Variants in SBF2 observed in about 807,000 individuals in gnomAD.
The protein encoded by SBF2 is myotubularin-related protein 13.
SBF2 carries 112 observed loss-of-function variants against 225.2 expected under a neutral mutation model. That is an observed-to-expected ratio of 0.50 (90% CI 0.43 to 0.58). The LOEUF is 0.58. Among genes scored for constraint, SBF2 ranks in the 20% least tolerant of loss-of-function variants. The probability of loss-of-function intolerance (pLI) is 0.00; values close to 1 mark genes in which losing one functional copy is unlikely to be tolerated. For synonymous variants in SBF2, 763 were observed against 773.3 expected, an observed-to-expected ratio of 0.99 and a Z score of 0.22; for missense variants, 1,996 against 2,206.2, an observed-to-expected ratio of 0.90 and a Z score of 1.91.
At chr11:10,197,863 A>G (rs1311966163) in intron 1 of SBF2, among the ~76,000 whole-genome samples, 2 of 152,266 alleles carry the variant, frequency 1.3e-5, no homozygotes, top group Admixed American at 1.3e-4. Flanking sequence ...TTTATCCATA[A>G]GAAGCAAAGC....
intron 16 of SBF2, among the ~76,000 whole-genome samples, chr11:9,905,664 T>C (rs1033319896): frequency 1.3e-5 from 2 of 152,174 alleles, no homozygotes; most frequent in African/African-American, 4.8e-5. Context: ...GGGACCTTTG[T>C]TGGAGCCCAG....
In SBF2 at chr11:10,123,865, A is replaced by G. The variant is rs1953603290; in HGVS notation, c.141+70037T>C. On this transcript the variant is annotated intron_variant, in intron 2 of 39. Coordinates refer to ENST00000256190, the MANE Select transcript of SBF2 (RefSeq NM_030962.4). ...ATGTCATTCTTTTCTACACTTCTCA[A>G]ACATGGTGTATTTACCTAACAACAA... Among the ~76,000 whole-genome samples the G allele has an allele frequency of 2.0e-5, 3 of 152,146 alleles. No homozygotes were observed. In the South Asian group the frequency reaches 6.2e-4, roughly 32 times the overall value.
At chr11:10,117,843 G>A (rs899583054) in intron 2 of SBF2, among the ~76,000 whole-genome samples, 1 of 151,542 alleles carries the variant, frequency 6.6e-6, no homozygotes, top group Admixed American at 6.6e-5. Flanking sequence ...CTGGAATGCT[G>A]TATTCTCTAA....
chr11:9,984,191 T>G (rs1416177005), intron 13 of SBF2, among the ~76,000 whole-genome samples: 1 of 151,954 alleles, frequency 6.6e-6, no homozygotes, highest in Non-Finnish European at 1.5e-5. Context: ...ATACAAGAAG[T>G]GAATGGAGAA....
At chr11:10,293,762 C>T (rs776621147) in intron 1 of SBF2, among the ~76,000 whole-genome samples, 3 of 152,194 alleles carry the variant, frequency 2.0e-5, no homozygotes, top group Non-Finnish European at 4.4e-5. Context: ...CAACTCGCCT[C>T]CGGCCCGCCC....
chr11:10,230,734 G>GC (rs772752684), intron 1 of SBF2, among the ~76,000 whole-genome samples: 6 of 152,222 alleles, frequency 3.9e-5, no homozygotes, highest in East Asian at 3.9e-4. Flanking sequence ...CTCTCTGGCT[G>GC]CCTTAACATT....
chr11:10,204,651 C>T (rs1426667335), intron 1 of SBF2, among the ~76,000 whole-genome samples: 1 of 118,576 alleles, frequency 8.4e-6, no homozygotes, highest in Non-Finnish European at 1.9e-5. Flanking sequence ...GAGCAACACT[C>T]CATCTCAAAA....
intron 13 of SBF2, among the ~76,000 whole-genome samples, chr11:9,986,025 T>G (rs1310162268): frequency 2.0e-5 from 3 of 152,156 alleles, no homozygotes; most frequent in African/African-American, 7.2e-5. Context: ...ATAGACCATA[T>G]CATAGGACAT....
chr11:9,830,075 C>T (rs1032821354), intron 27 of SBF2, among the ~76,000 whole-genome samples: 39 of 152,132 alleles, frequency 2.6e-4, no homozygotes, highest in Admixed American at 5.2e-4. Context: ...ACTGCCAATC[C>T]CTGGTCCTTC....
intron 28 of SBF2, among the ~76,000 whole-genome samples, chr11:9,826,525 G>C (rs897328650): frequency 6.6e-6 from 1 of 152,056 alleles, no homozygotes; most frequent in Non-Finnish European, 1.5e-5. Flanking sequence ...TTTACGTGTG[G>C]GAGAGTACAC....
intron 1 of SBF2, among the ~76,000 whole-genome samples, chr11:10,261,292 T>G (rs1218333922): frequency 1.3e-5 from 2 of 152,194 alleles, no homozygotes; most frequent in Non-Finnish European, 2.9e-5. Context: ...AACCTCCACC[T>G]CCTGGGCTCA....
intron 2 of SBF2, among the ~76,000 whole-genome samples, chr11:10,179,638 T>C (rs7935934): frequency 0.21 from 32,181 of 152,096 alleles, 4,129 homozygotes; most frequent in Non-Finnish European, 0.3. Flanking sequence ...CCAGCTATTA[T>C]TGTACTGGTG....
chr11:10,232,109 G>C (rs545387319), intron 1 of SBF2, among the ~76,000 whole-genome samples: 2 of 152,248 alleles, frequency 1.3e-5, no homozygotes, highest in Non-Finnish European at 2.9e-5. Context: ...CTCCGAGCCA[G>C]GTGCGGGATA....
chr11:9,782,397 A>C (rs1852071888), intron 38 of SBF2, among the ~76,000 whole-genome samples: 1 of 152,196 alleles, frequency 6.6e-6, no homozygotes, highest in Non-Finnish European at 1.5e-5. Flanking sequence ...AATCAAAGAA[A>C]AATAAATGAC....
At chr11:9,844,130 T>C (rs146039656) in intron 24 of SBF2, among the ~76,000 whole-genome samples, 56 of 152,300 alleles carry the variant, frequency 3.7e-4, no homozygotes, top group African/African-American at 1.2e-3. Flanking sequence ...ACAAACATCA[T>C]AGGCTCCTCT....
chr11:10,048,734 A>G (rs1212603917), intron 2 of SBF2, among the ~76,000 whole-genome samples: 1 of 152,172 alleles, frequency 6.6e-6, no homozygotes, highest in Non-Finnish European at 1.5e-5. Context: ...ACTATTAGTT[A>G]ATTTATATTT....
At chr11:9,838,871 CAGTG>C (rs1855902444) in intron 26 of SBF2, 1 of 154,408 alleles carries the variant, frequency 6.5e-6, no homozygotes, top group African/African-American at 2.4e-5. Flanking sequence ...ATTTGAAAAA[CAGTG>C]AGAGATGACA....
intron 2 of SBF2, among the ~76,000 whole-genome samples, chr11:10,158,443 T>C (rs1212816010): frequency 6.6e-6 from 1 of 151,934 alleles, no homozygotes; most frequent in Non-Finnish European, 1.5e-5. Context: ...TTAGCCAGAC[T>C]AGGAAAAGAG....
chr11:10,025,675 C>A (rs1370282561), intron 6 of SBF2, among the ~76,000 whole-genome samples: 4 of 152,194 alleles, frequency 2.6e-5, no homozygotes, highest in Non-Finnish European at 5.9e-5. Flanking sequence ...TCTTGGCTCA[C>A]TGCAACCTCC....
Sources: gnomAD v4.1 joint callset for allele counts (sites outside exome capture counted in the v4.1 genomes callset) on GRCh38, gnomAD v4.1.1 for gene constraint, MANE v1.5 for transcripts, NCBI Gene and HGNC (gene_info 2026-07-23, HGNC 2026-07-21) for gene names.